MAML3: variants seen among roughly 807,000 people sequenced by gnomAD.
The protein encoded by MAML3 is mastermind like transcriptional coactivator 3.
Under a neutral mutation model 101.9 loss-of-function variants are expected in MAML3, and 27 were observed. The ratio of observed to expected loss-of-function variants is 0.27; its 90% CI spans 0.20 to 0.37. The LOEUF (loss-of-function observed/expected upper bound fraction) is 0.37, where lower values mean the gene tolerates loss of function less well. MAML3 is among the 10% of genes least tolerant of loss of function. The pLI, the probability that MAML3 is intolerant of heterozygous loss-of-function variation, is 1.00. For synonymous variants in MAML3, 501 were observed against 555.9 expected, an observed-to-expected ratio of 0.90 and a Z score of 1.39; for missense variants, 1,316 against 1,444.9, an observed-to-expected ratio of 0.91 and a Z score of 1.45.
chr4:139,804,586 A>G (rs1730671888), intron 2 of MAML3, among the ~76,000 whole-genome samples: 1 of 152,134 alleles, frequency 6.6e-6, no homozygotes, highest in South Asian at 2.1e-4. Flanking sequence ...ATTTTAATAC[A>G]TTCATGGATC....
chr4:139,844,890 G>C (rs189794343), intron 2 of MAML3, among the ~76,000 whole-genome samples: 1 of 152,278 alleles, frequency 6.6e-6, no homozygotes, highest in East Asian at 1.9e-4. Flanking sequence ...CATTTGTTTA[G>C]TCCTATTCTG....
At position 139,730,662 on chromosome 4, in the gene MAML3, C is replaced by G; in HGVS notation, c.2085G>C (p.Gln695His). 6.2e-7 allele frequency: 1 copy of G among 1,611,436 alleles called. No individual in the cohort carries two copies. The highest frequency in any genetic ancestry group is 1.1e-5 in the South Asian group (1 of 90,512). ...YAALPSHGQEQHPVGLPRTTG... is the reference protein window; with the variant it reads ...YAALPSHGQEHHPVGLPRTTG... ...TGGTTCGGGGAAGTCCAACTGGATG[C>G]TGCTCCTGGGAAGACAAGAGAGAGG... is the stretch of plus-strand genomic sequence containing the variant. Residue 695 changes from glutamine (Q) to histidine (H), a missense_variant, in exon 3 of 5, where the codon CAG (glutamine) becomes CAC (histidine). By Grantham distance (24) the Gln-to-His change is conservative. Transcript: ENST00000509479.
At chr4:139,989,524 C>A (rs1447758002) in intron 1 of MAML3, among the ~76,000 whole-genome samples, 1 of 152,054 alleles carries the variant, frequency 6.6e-6, no homozygotes, top group Non-Finnish European at 1.5e-5. Flanking sequence ...TTCAGCTCAG[C>A]CATCTTCAGT....
chr4:139,776,004 A>G (rs1217505418), intron 2 of MAML3, among the ~76,000 whole-genome samples: 1 of 152,232 alleles, frequency 6.6e-6, no homozygotes. Flanking sequence ...TACGGCTGCC[A>G]TTTAACTTAT....
At chr4:139,849,275 G>A (rs892206072) in intron 2 of MAML3, among the ~76,000 whole-genome samples, 1 of 152,158 alleles carries the variant, frequency 6.6e-6, no homozygotes, top group African/African-American at 2.4e-5. Context: ...AGTTAGGTTT[G>A]TGATTCTATA....
At chr4:140,061,065 C>T (rs17005507) in intron 1 of MAML3, among the ~76,000 whole-genome samples, 1,782 of 152,252 alleles carry the variant, frequency 0.012, 32 homozygotes, top group African/African-American at 0.038. Context: ...CAAAAAGGCA[C>T]GCACGTTTGA....
chr4:139,968,852 C>T (rs143581384), intron 1 of MAML3, among the ~76,000 whole-genome samples: 29 of 152,172 alleles, frequency 1.9e-4, no homozygotes, highest in African/African-American at 6.3e-4. Context: ...CAAATCCCAC[C>T]GCTGATGTCT....
At chr4:139,894,177 A>G (rs1018849504) in intron 1 of MAML3, among the ~76,000 whole-genome samples, 1 of 152,142 alleles carries the variant, frequency 6.6e-6, no homozygotes, top group African/African-American at 2.4e-5. Flanking sequence ...ACAAAGTGTC[A>G]TTTTACTGCT....
intron 1 of MAML3, among the ~76,000 whole-genome samples, chr4:139,928,415 T>C (rs987005481): frequency 1.3e-5 from 2 of 152,110 alleles, no homozygotes; most frequent in Non-Finnish European, 2.9e-5. Flanking sequence ...CAAGAAAACA[T>C]ATTAAAAGAA....
chr4:139,864,939 T>TG (rs1731868162), intron 2 of MAML3, among the ~76,000 whole-genome samples: 4 of 143,796 alleles, frequency 2.8e-5, no homozygotes, highest in Admixed American at 7.0e-5. Flanking sequence ...TTTTTTTTTT[T>TG]TTTTTTTTTT....
At chr4:139,842,188 G>C (rs1731374766) in intron 2 of MAML3, among the ~76,000 whole-genome samples, 1 of 152,218 alleles carries the variant, frequency 6.6e-6, no homozygotes, top group African/African-American at 2.4e-5. Context: ...AGATCAACCT[G>C]GGCACTGTGA....
intron 1 of MAML3, among the ~76,000 whole-genome samples, chr4:139,989,850 A>AACACACACACACACAC (rs71593737): frequency 3.3e-5 from 4 of 122,872 alleles, no homozygotes; most frequent in Admixed American, 8.2e-5. Context: ...CACACAAACA[A>AACACACACACACACAC]ACACACACAC....
chr4:140,120,704 G>C (rs775446199), intron 1 of MAML3, among the ~76,000 whole-genome samples: 30 of 151,804 alleles, frequency 2.0e-4, no homozygotes, highest in Non-Finnish European at 3.4e-4. Flanking sequence ...TTTCCTCATA[G>C]AGAAACATAT....
chr4:140,135,057 G>A (rs1728861727), intron 1 of MAML3, among the ~76,000 whole-genome samples: 1 of 152,204 alleles, frequency 6.6e-6, no homozygotes, highest in African/African-American at 2.4e-5. Context: ...AAGGGCTCAG[G>A]AGGATGGTGC....
chr4:140,005,083 T>C (rs1726423376), intron 1 of MAML3, among the ~76,000 whole-genome samples: 1 of 152,204 alleles, frequency 6.6e-6, no homozygotes, highest in Non-Finnish European at 1.5e-5. Context: ...CTGGTGAATG[T>C]GGAGGACGGG....
Position 139,993,783 on chromosome 4 carries a change from G to A in MAML3, c.469-102816C>T, listed in dbSNP as rs570601029. 9.9e-5 allele frequency among the ~76,000 whole-genome samples: 15 copies of A among 152,034 alleles called. No homozygotes were observed. The East Asian group carries it at 1.9e-3, about 20-fold the overall frequency. On this transcript the variant is annotated intron_variant, in intron 1 of 4. Coordinates refer to ENST00000509479, the MANE Select transcript of MAML3 (RefSeq NM_018717.5). ...GCGGAGGTTGCAGTGAGCTGAGATC[G>A]TGCCACTGCACTCCAGCCTGGGCAA... is the stretch of plus-strand genomic sequence containing the variant.
intron 2 of MAML3, among the ~76,000 whole-genome samples, chr4:139,811,622 AATTTT>A (rs1208389105): frequency 6.6e-6 from 1 of 152,206 alleles, no homozygotes; most frequent in Non-Finnish European, 1.5e-5. Context: ...GTAACCTGAC[AATTTT>A]ATTTTGATGC....
chr4:139,949,695 C>A (rs926560059), intron 1 of MAML3, among the ~76,000 whole-genome samples: 1 of 152,184 alleles, frequency 6.6e-6, no homozygotes, highest in South Asian at 2.1e-4. Context: ...TTCCTTTTGA[C>A]AAGATTGTTA....
At chr4:139,832,072 C>T (rs1423860973) in intron 2 of MAML3, among the ~76,000 whole-genome samples, 9 of 138,552 alleles carry the variant, frequency 6.5e-5, no homozygotes, top group Admixed American at 1.5e-4. Context: ...GGATTACAGG[C>T]GTGAGCCATC....
Sources: allele counts gnomAD v4.1 joint callset (sites outside exome capture counted in the v4.1 genomes callset), GRCh38; gene constraint gnomAD v4.1.1; transcripts MANE v1.5; gene names NCBI Gene and HGNC (gene_info 2026-07-23, HGNC 2026-07-21).